BBS9: variants seen among roughly 807,000 people sequenced by gnomAD.
BBS9 encodes the protein protein PTHB1.
Under a neutral mutation model 117.7 loss-of-function variants are expected in BBS9, and 89 were observed. That is an observed-to-expected ratio of 0.76 (90% CI 0.64 to 0.90). BBS9 has a LOEUF of 0.90. Ranked by LOEUF, BBS9 falls within the 40% of genes least tolerant of loss-of-function variation. The pLI, the probability that BBS9 is intolerant of heterozygous loss-of-function variation, is 0.00. For synonymous variants in BBS9, 379 were observed against 370.9 expected (o/e 1.02, Z -0.25); for missense variants, 982 against 1,042.2 (o/e 0.94, Z 0.80).
chr7:33,257,230 C>A lies in BBS9; in HGVS notation c.443-6C>A, dbSNP rs1271318185. On this transcript the variant is annotated splice_polypyrimidine_tract_variant and splice_region_variant and intron_variant, in intron 5 of 22. Transcript: ENST00000242067. Reference sequence around the variant, plus strand: ...GATTATCTAATTTTCTCTAATTCTTCTTTAGGTCGAGATTTAATTTGCATC... The same window carrying A: ...GATTATCTAATTTTCTCTAATTCTTATTTAGGTCGAGATTTAATTTGCATC... 3 of 1,596,782 alleles carry A rather than the reference C, an allele frequency of 1.9e-6. No homozygotes were observed. Among genetic ancestry groups the A allele is most frequent in the Non-Finnish European group, 2.6e-6 (3 of 1,166,422 alleles).
intron 9 of BBS9, among the ~76,000 whole-genome samples, chr7:33,328,474 G>C (rs1813298703): frequency 6.6e-6 from 1 of 152,226 alleles, no homozygotes; most frequent in Non-Finnish European, 1.5e-5. Context: ...CCCACGTCCA[G>C]TACTTTTGGA....
intron 5 of BBS9, among the ~76,000 whole-genome samples, chr7:33,193,421 CCTTTT>C (rs1784459242): frequency 3.0e-5 from 2 of 67,790 alleles, no homozygotes. Flanking sequence ...CCTCTCTCTG[CCTTTT>C]TTTTTTTTTT....
At chr7:33,494,263 A>G (rs1585020369) in intron 19 of BBS9, among the ~76,000 whole-genome samples, 1 of 152,132 alleles carries the variant, frequency 6.6e-6, no homozygotes, top group Non-Finnish European at 1.5e-5. Context: ...TTCATATAGT[A>G]CCTGGGGCAG....
intron 5 of BBS9, among the ~76,000 whole-genome samples, chr7:33,248,178 T>C (rs1477473715): frequency 6.6e-6 from 1 of 152,216 alleles, no homozygotes; most frequent in Admixed American, 6.5e-5. Flanking sequence ...ACTTGAATTA[T>C]AGTTGAGAAT....
At chr7:33,606,710 C>T (rs1585464944), downstream of BBS9, among the ~76,000 whole-genome samples, 2 of 152,034 alleles carry the variant, frequency 1.3e-5, no homozygotes, top group East Asian at 3.9e-4. Flanking sequence ...AGACCCCAAC[C>T]CTTCACTTCA....
intron 21 of BBS9, among the ~76,000 whole-genome samples, chr7:33,575,845 A>C (rs2129147400): frequency 6.6e-6 from 1 of 152,038 alleles, no homozygotes; most frequent in South Asian, 2.1e-4. Flanking sequence ...GCCTTAGACA[A>C]AATTCAACAG....
intron 3 of BBS9, 139 bp from the exon 4 acceptor site, chr7:33,155,499 T>C: frequency 1.6e-6 from 1 of 620,574 alleles, no homozygotes; most frequent in Non-Finnish European, 2.9e-6. Flanking sequence ...TATTTTTCAG[T>C]TTAGAATGTT....
chr7:33,203,555 G>A (rs908943316), intron 5 of BBS9, among the ~76,000 whole-genome samples: 2 of 152,154 alleles, frequency 1.3e-5, no homozygotes, highest in Non-Finnish European at 2.9e-5. Flanking sequence ...TTGGGGTACA[G>A]CTCAGGAATG....
intron 21 of BBS9, among the ~76,000 whole-genome samples, chr7:33,566,179 G>A (rs1255777312): frequency 1.3e-5 from 2 of 151,518 alleles, no homozygotes; most frequent in Non-Finnish European, 2.9e-5. Context: ...GGAAAAGATT[G>A]GTTCTCATTA....
chr7:33,570,218 A>G (rs892924368), intron 21 of BBS9, among the ~76,000 whole-genome samples: 5 of 152,202 alleles, frequency 3.3e-5, no homozygotes, highest in Admixed American at 1.3e-4. Context: ...GGTTGATTCC[A>G]GGGCAGACTC....
chr7:33,371,015 A>G (rs1822760401), intron 17 of BBS9, among the ~76,000 whole-genome samples: 1 of 152,150 alleles, frequency 6.6e-6, no homozygotes, highest in Non-Finnish European at 1.5e-5. Flanking sequence ...TCAGAAATAC[A>G]TACTGTATGA....
chr7:33,351,232 T>C lies in BBS9; in HGVS notation c.1446T>C (p.Thr482=). ...CATTGCTTATAGCACCAGATTTGAC[T>C]AGAACAGTAAGCTTTTCTGTTTATC... ...FTFEFMTPDL[T]RTVSFSVYLK... The change falls in exon 14 of 23, where the codon ACT becomes ACC. Residue 482 remains threonine (T), a synonymous_variant. Coordinates refer to ENST00000242067, the MANE Select transcript of BBS9 (RefSeq NM_198428.3). The C allele has an allele frequency of 6.2e-7, 1 of 1,606,552 alleles. No individual in the cohort carries two copies. Among genetic ancestry groups the C allele is most frequent in the Non-Finnish European group, 8.5e-7 (1 of 1,173,244 alleles).
chr7:33,457,959 AG>A (rs1397837982), intron 19 of BBS9, among the ~76,000 whole-genome samples: 2 of 152,154 alleles, frequency 1.3e-5, no homozygotes, highest in African/African-American at 4.8e-5. Context: ...AGCAAGTGGC[AG>A]GATCAGGAAA....
intron 19 of BBS9, among the ~76,000 whole-genome samples, chr7:33,488,526 C>T (rs1477110455): frequency 6.6e-6 from 1 of 152,078 alleles, no homozygotes; most frequent in Non-Finnish European, 1.5e-5. Flanking sequence ...GGCAAGTCAC[C>T]ACATCTCTCT....
chr7:33,447,707 T>G (rs1837201248), intron 19 of BBS9, among the ~76,000 whole-genome samples: 1 of 152,254 alleles, frequency 6.6e-6, no homozygotes, highest in Non-Finnish European at 1.5e-5. Flanking sequence ...ATGGGTCGTG[T>G]ATCTGTTACA....
intron 19 of BBS9, among the ~76,000 whole-genome samples, chr7:33,487,907 G>A (rs951611965): frequency 6.6e-6 from 1 of 152,170 alleles, no homozygotes; most frequent in Non-Finnish European, 1.5e-5. Flanking sequence ...CACTATCATA[G>A]CCTCTTAATC....
chr7:33,216,522 TG>T (rs1307928126), intron 5 of BBS9, among the ~76,000 whole-genome samples: 1 of 152,208 alleles, frequency 6.6e-6, no homozygotes, highest in African/African-American at 2.4e-5. Context: ...GCCTTTTAAT[TG>T]TGAAAACATT....
intron 21 of BBS9, among the ~76,000 whole-genome samples, chr7:33,562,151 C>G (rs1585264175): frequency 6.6e-6 from 1 of 152,150 alleles, no homozygotes; most frequent in East Asian, 1.9e-4. Flanking sequence ...TTTCCTATAA[C>G]TGTGCCATAT....
chr7:33,177,534 C>T lies in BBS9; in HGVS notation c.385C>T (p.His129Tyr), dbSNP rs886062284. The T allele has an allele frequency of 3.7e-6, 6 of 1,611,988 alleles. No individual in the cohort carries two copies. In the South Asian group the frequency reaches 4.4e-5, roughly 12 times the overall value. ...NQCQMKLMYE[H>Y]NLQRTACNMT... ...ATGTCAGATGAAATTGATGTATGAA[C>T]ATAATCTTCAGAGAACAGCCTGCAA... Residue 129 changes from histidine to tyrosine, a missense_variant, in exon 5 of 23, where the codon CAT becomes TAT. Transcript: ENST00000242067.
Sources: gnomAD v4.1 joint callset for allele counts (sites outside exome capture counted in the v4.1 genomes callset) on GRCh38, gnomAD v4.1.1 for gene constraint, MANE v1.5 for transcripts, NCBI Gene and HGNC (gene_info 2026-07-23, HGNC 2026-07-21) for gene names.